The following DPF3 variants were observed in gnomAD, a reference collection of about 807,000 sequenced individuals.
DPF3 encodes zinc finger protein DPF3.
In DPF3, 18 loss-of-function variants were observed where a neutral mutation model predicts 56.8. That is an observed-to-expected ratio of 0.32 (90% CI 0.22 to 0.47). DPF3 has a LOEUF of 0.47. Ranked by LOEUF, DPF3 falls within the 20% of genes least tolerant of loss-of-function variation. DPF3 has a pLI of 1.00. For missense variants in DPF3, 403 were observed against 488.8 expected (o/e 0.82, Z 1.65); for synonymous variants, 188 against 180.2 (o/e 1.04, Z -0.35).
At chr14:72,771,333 TGAGGGA>T (rs1891521558) in intron 2 of DPF3, among the ~76,000 whole-genome samples, 1 of 152,158 alleles carries the variant, frequency 6.6e-6, no homozygotes, top group African/African-American at 2.4e-5. Context: ...ATGAGGAACC[TGAGGGA>T]CAGAAGTTTG....
chr14:72,744,216 C>T (rs1890240805), intron 3 of DPF3, among the ~76,000 whole-genome samples: 2 of 152,182 alleles, frequency 1.3e-5, no homozygotes, highest in African/African-American at 4.8e-5. Flanking sequence ...GACTGGGAGT[C>T]ACTCCAGGAG....
intron 1 of DPF3, among the ~76,000 whole-genome samples, chr14:72,830,856 G>A (rs1286956853): frequency 6.6e-6 from 1 of 152,156 alleles, no homozygotes; most frequent in Non-Finnish European, 1.5e-5. Flanking sequence ...CGACACATCT[G>A]AGTCCTTTTC....
rs143513244 is a variant in DPF3 at position 72,612,811 on chromosome 14, G to A, written c.*6486C>T. On this transcript the variant is annotated 3_prime_UTR_variant, in exon 11 of 11. Transcript: ENST00000556509. ...AAGGGAAGAGAAGGAGAGAGGTCGC[G>A]GAGCCAGTAGCTTTCCAAGCACAAG... 1.1e-3 allele frequency among the ~76,000 whole-genome samples: 166 copies of A among 152,318 alleles called. No individual in the cohort carries two copies. The highest frequency in any genetic ancestry group is 2.0e-3 in the Non-Finnish European group (133 of 68,034).
rs1017870414 is a variant in DPF3, at chr14:72,670,158, G to A, written c.871+4082C>T. On this transcript the variant is annotated intron_variant, in intron 8 of 10. Coordinates refer to ENST00000556509, the MANE Select transcript of DPF3 (RefSeq NM_001280542.3). Reference sequence around the variant, plus strand: ...TTGATCATCCAATGGGTATTGATACGTTTCTTAACAGGGGCAAGGGGAGGG... The same window carrying A: ...TTGATCATCCAATGGGTATTGATACATTTCTTAACAGGGGCAAGGGGAGGG... The A allele has an allele frequency of 4.3e-5, 42 of 985,900 alleles. No individual in the cohort carries two copies. In the African/African-American group the frequency reaches 5.6e-4, roughly 13 times the overall value. 61.1% of individuals were successfully genotyped at this position (985,900 alleles called of 1,614,324 possible).
intron 9 of DPF3, among the ~76,000 whole-genome samples, chr14:72,625,441 C>T (rs1884769409): frequency 6.6e-6 from 1 of 152,088 alleles, no homozygotes; most frequent in South Asian, 2.1e-4. Context: ...ATTTTTTGAA[C>T]ACTTCCTTAC....
chr14:72,873,816 C>A (rs1310206221), intron 1 of DPF3, among the ~76,000 whole-genome samples: 3 of 151,346 alleles, frequency 2.0e-5, no homozygotes, highest in Admixed American at 6.6e-5. Flanking sequence ...AGCAAACTAT[C>A]ACAAGGACAA....
chr14:72,621,524 G>C (rs1254710559), intron 9 of DPF3, among the ~76,000 whole-genome samples: 1 of 152,130 alleles, frequency 6.6e-6, no homozygotes, highest in East Asian at 1.9e-4. Flanking sequence ...GGCTTTTTTT[G>C]TCATGCTAAA....
intron 1 of DPF3, among the ~76,000 whole-genome samples, chr14:72,814,880 GAAAGAA>G (rs1883218626): frequency 6.6e-6 from 1 of 151,588 alleles, no homozygotes; most frequent in Non-Finnish European, 1.5e-5. Flanking sequence ...TCAAACTTCA[GAAAGAA>G]AACTTGGAAG....
chr14:72,757,744 A>C (rs1890896707), intron 2 of DPF3, among the ~76,000 whole-genome samples: 1 of 152,224 alleles, frequency 6.6e-6, no homozygotes, highest in Non-Finnish European at 1.5e-5. Context: ...TGTAGGTTAT[A>C]TGCAAATACT....
chr14:72,633,631 C>T (rs574680912), intron 8 of DPF3, among the ~76,000 whole-genome samples: 47 of 152,212 alleles, frequency 3.1e-4, no homozygotes, highest in African/African-American at 1.1e-3. Context: ...ATAAAGACCC[C>T]GAGTGAGGGA....
At chr14:72,686,310 G>T (rs1887408608) in intron 7 of DPF3, among the ~76,000 whole-genome samples, 1 of 152,210 alleles carries the variant, frequency 6.6e-6, no homozygotes, top group Non-Finnish European at 1.5e-5. Context: ...GGGCCCAAAT[G>T]GGACAGAGAT....
At chr14:72,762,747 G>A (rs1428508007) in intron 2 of DPF3, among the ~76,000 whole-genome samples, 1 of 151,898 alleles carries the variant, frequency 6.6e-6, no homozygotes, top group Non-Finnish European at 1.5e-5. Flanking sequence ...AGTCTAGCCA[G>A]TGCAAGAGAC....
At chr14:72,806,307 T>G (rs1030262792) in intron 1 of DPF3, among the ~76,000 whole-genome samples, 3 of 152,198 alleles carry the variant, frequency 2.0e-5, no homozygotes, top group African/African-American at 7.2e-5. Context: ...AACCAACGTA[T>G]GACAGTATTA....
At chr14:72,874,250 G>A (rs1222615909) in intron 1 of DPF3, among the ~76,000 whole-genome samples, 1 of 151,722 alleles carries the variant, frequency 6.6e-6, no homozygotes, top group Non-Finnish European at 1.5e-5. Flanking sequence ...AGGCCAAGAT[G>A]GGCAGATCAC....
At chr14:72,880,421 A>C (rs926530676) in intron 1 of DPF3, among the ~76,000 whole-genome samples, 2 of 152,248 alleles carry the variant, frequency 1.3e-5, no homozygotes, top group Non-Finnish European at 2.9e-5. Flanking sequence ...CCCAGATGCC[A>C]AAAAGGGCAT....
chr14:72,867,581 T>C (rs761732308), intron 1 of DPF3, among the ~76,000 whole-genome samples: 12 of 152,286 alleles, frequency 7.9e-5, no homozygotes, highest in African/African-American at 2.9e-4. Context: ...TTTCATTCAA[T>C]AGACATAAAA....
intron 1 of DPF3, among the ~76,000 whole-genome samples, chr14:72,776,233 G>A (rs1225076194): frequency 2.0e-5 from 3 of 152,176 alleles, no homozygotes; most frequent in East Asian, 3.9e-4. Flanking sequence ...GCACAAGGCA[G>A]GGTAGAATGA....
intron 6 of DPF3, among the ~76,000 whole-genome samples, chr14:72,694,180 C>T (rs536131358): frequency 2.0e-5 from 3 of 152,324 alleles, no homozygotes; most frequent in Admixed American, 6.5e-5. Flanking sequence ...AACCTCCCCA[C>T]ATAGGGATCA....
chr14:72,615,237 G>A lies in DPF3; in HGVS notation c.*4060C>T, dbSNP rs767727599. On this transcript the variant is annotated 3_prime_UTR_variant, in exon 11 of 11. Coordinates refer to ENST00000556509, the MANE Select transcript of DPF3 (RefSeq NM_001280542.3). ...GGGCCCGCCCTGGGCCACGGGCGGCGCAACACCCCCTACCTCCTCACACAC... is the reference window on the plus strand; with the variant it reads ...GGGCCCGCCCTGGGCCACGGGCGGCACAACACCCCCTACCTCCTCACACAC... Among the ~76,000 whole-genome samples the A allele has an allele frequency of 1.3e-5, 2 of 152,054 alleles. No homozygotes were observed. The highest frequency in any genetic ancestry group is 2.4e-5 in the African/African-American group (1 of 41,392).
Sources: allele counts gnomAD v4.1 joint callset (sites outside exome capture counted in the v4.1 genomes callset), GRCh38; gene constraint gnomAD v4.1.1; transcripts MANE v1.5; gene names NCBI Gene and HGNC (gene_info 2026-07-23, HGNC 2026-07-21).